ANKRD50: variants seen among roughly 807,000 people sequenced by gnomAD.
ANKRD50 encodes ankyrin repeat domain-containing protein 50.
A neutral mutation model predicts 112.0 loss-of-function variants in ANKRD50; 40 were observed. That is an observed-to-expected ratio of 0.36 (90% CI 0.28 to 0.46). The LOEUF is 0.46. Ranked by LOEUF, ANKRD50 falls within the 20% of genes least tolerant of loss-of-function variation. The pLI is 1.00. For missense variants in ANKRD50, 1,487 were observed against 1,701.7 expected, an observed-to-expected ratio of 0.87 and a Z score of 2.22; for synonymous variants, 613 against 619.1, an observed-to-expected ratio of 0.99 and a Z score of 0.15.
Position 124,669,488 on chromosome 4 carries a change from C to G in ANKRD50, c.3789G>C (p.Lys1263Asn). ...TCCCCCCTTTACTTGCTTTAGTTGACTTCAAACTGGGCTTTACTTGACTCC... is the reference window on the plus strand; with the variant it reads ...TCCCCCCTTTACTTGCTTTAGTTGAGTTCAAACTGGGCTTTACTTGACTCC... ...FEWSQVKPSLKSTKASKGGKS... is the reference protein window; with the variant it reads ...FEWSQVKPSLNSTKASKGGKS... Residue 1263 changes from lysine (K) to asparagine (N), a missense_variant, in exon 4 of 5, where the codon AAG becomes AAC. This residue lies in a region of ANKRD50 where 441 missense variants were observed against 432.2 expected (regional missense o/e 1.02). Transcript: ENST00000504087. 1 of 1,612,850 alleles carries G rather than the reference C, an allele frequency of 6.2e-7. No individual in the cohort carries two copies. The highest frequency in any genetic ancestry group is 8.5e-7 in the Non-Finnish European group (1 of 1,179,660).
At chr4:124,674,417 A>G (rs933564764) in intron 3 of ANKRD50, among the ~76,000 whole-genome samples, 44 of 151,990 alleles carry the variant, frequency 2.9e-4, no homozygotes, top group African/African-American at 1.1e-3. Flanking sequence ...GGAGAGCTAC[A>G]TTTATTGAGA....
Position 124,678,894 on chromosome 4 carries a change from A to T in ANKRD50, c.524T>A (p.Leu175His), listed in dbSNP as rs1724807982. Residue 175 changes from leucine to histidine, a missense_variant, in exon 3 of 5, where the codon CTC becomes CAC. Physicochemically the swap from Leu to His is moderately conservative, Grantham distance 99. This residue lies in a region of ANKRD50 where 1,046 missense variants were observed against 1,269.5 expected (regional missense o/e 0.82). Transcript: ENST00000504087. The part of the protein sequence containing the change: ...PAEAFKRCVL[L>H]PLLGMKPPQQ... ...GGGAGGCTTCATTCCCAGAAGAGGG[A>T]GTAGAACACACCTGTAAAACACATA... 6.2e-7 allele frequency: 1 copy of T among 1,609,454 alleles called. No homozygotes were observed. The highest frequency in any genetic ancestry group is 2.2e-5 in the East Asian group (1 of 44,824).
intron 2 of ANKRD50, among the ~76,000 whole-genome samples, chr4:124,707,751 G>A (rs1169649366): frequency 1.3e-5 from 2 of 152,052 alleles, no homozygotes; most frequent in Non-Finnish European, 2.9e-5. Context: ...CAGAAAAGCA[G>A]GGCTGGTATG....
At position 124,672,323 on chromosome 4, in the gene ANKRD50, A is replaced by C; in HGVS notation, c.954T>G (p.Ile318Met). 1 of 1,613,436 alleles carries C rather than the reference A, an allele frequency of 6.2e-7. No homozygotes were observed. The highest frequency in any genetic ancestry group is 8.5e-7 in the Non-Finnish European group (1 of 1,179,744). The change falls in exon 4 of 5, where the codon ATT becomes ATG. Residue 318 changes from isoleucine (I) to methionine (M), a missense_variant. Physicochemically the swap from Ile to Met is conservative, Grantham distance 10 (BLOSUM62 1). This residue lies in a region of ANKRD50 where 1,046 missense variants were observed against 1,269.5 expected (regional missense o/e 0.82). Coordinates refer to ENST00000504087, the MANE Select transcript of ANKRD50 (RefSeq NM_020337.3). The stretch of plus-strand genomic sequence containing the variant: ...GGATGTCACGAATTTCTCTTAACAT[A>C]ATAAAATTTTCTACAACTCCATCTA... ...RVLDGVVENF[I>M]MLREIRDIPG...
chr4:124,694,563 A>G (rs1427647750), intron 2 of ANKRD50, among the ~76,000 whole-genome samples: 6 of 152,162 alleles, frequency 3.9e-5, no homozygotes, highest in Admixed American at 3.3e-4. Flanking sequence ...TAGGAGCTGG[A>G]GCTAGGGCAT....
rs758694866 is a variant in ANKRD50 at position 124,672,181 on chromosome 4, T to C, written c.1096A>G (p.Ile366Val). 2.5e-6 allele frequency: 4 copies of C among 1,613,922 alleles called. No individual in the cohort carries two copies. Among genetic ancestry groups the C allele is most frequent in the East Asian group, 2.2e-5 (1 of 44,870 alleles). ...CATACTGCGTGATATAATTCCGTTA[T>C]GGTCAAAGGTCGGCAGGCTGCAAGA... is the stretch of plus-strand genomic sequence containing the variant. ...VILAACRPLTITELYHAVWTK... is the reference protein window; with the variant it reads ...VILAACRPLTVTELYHAVWTK... The change falls in exon 4 of 5, where the codon ATA (isoleucine) becomes GTA (valine). Residue 366 changes from isoleucine to valine, a missense_variant. By Grantham distance (29) the Ile-to-Val change is conservative (BLOSUM62 3). Coordinates refer to ENST00000504087, the MANE Select transcript of ANKRD50 (RefSeq NM_020337.3).
rs533820109 is a variant in ANKRD50 at position 124,678,898 on chromosome 4, G to C, written c.520C>G (p.Leu174Val). Reference sequence around the variant, plus strand: ...GGCTTCATTCCCAGAAGAGGGAGTAGAACACACCTGTAAAACACATACACA... The same window carrying C: ...GGCTTCATTCCCAGAAGAGGGAGTACAACACACCTGTAAAACACATACACA... ...NPAEAFKRCV[L>V]LPLLGMKPPQ... Residue 174 changes from leucine to valine, a missense_variant, in exon 3 of 5, where the codon CTA becomes GTA. By Grantham distance (32) the Leu-to-Val change is conservative. Coordinates refer to ENST00000504087, the MANE Select transcript of ANKRD50 (RefSeq NM_020337.3). 6 of 1,605,266 alleles carry C rather than the reference G, an allele frequency of 3.7e-6. No individual in the cohort carries two copies. Among genetic ancestry groups the C allele is most frequent in the Non-Finnish European group, 5.1e-6 (6 of 1,172,278 alleles).
At chr4:124,692,170 A>C (rs1417504930) in intron 2 of ANKRD50, among the ~76,000 whole-genome samples, 1 of 152,236 alleles carries the variant, frequency 6.6e-6, no homozygotes, top group Non-Finnish European at 1.5e-5. Context: ...ATATTCCAAA[A>C]TCAAACAAAA....
chr4:124,709,738 A>G (rs377052635), intron 2 of ANKRD50, among the ~76,000 whole-genome samples: 97 of 152,318 alleles, frequency 6.4e-4, no homozygotes, highest in African/African-American at 2.3e-3. Flanking sequence ...TACCATTTAT[A>G]GGCAATGTAA....
intron 2 of ANKRD50, among the ~76,000 whole-genome samples, chr4:124,683,653 C>T (rs1416662069): frequency 1.3e-5 from 2 of 150,674 alleles, no homozygotes; most frequent in Non-Finnish European, 3.0e-5. Context: ...TACCCATTTC[C>T]CCAAAGACTG....
chr4:124,697,205 C>A (rs1354702771), intron 2 of ANKRD50, among the ~76,000 whole-genome samples: 1 of 152,096 alleles, frequency 6.6e-6, no homozygotes, highest in African/African-American at 2.4e-5. Context: ...GGGAAGAGGT[C>A]ATGGCTGCAT....
chr4:124,679,498 C>T (rs980218147), intron 2 of ANKRD50, among the ~76,000 whole-genome samples: 1 of 152,162 alleles, frequency 6.6e-6, no homozygotes, highest in Non-Finnish European at 1.5e-5. Flanking sequence ...TTAGGCTTTA[C>T]TCCATTAATT....
chr4:124,710,786 A>G lies in ANKRD50; in HGVS notation c.-275T>C. 1 of 498,492 alleles carries G rather than the reference A, an allele frequency of 2.0e-6. No homozygotes were observed. Among genetic ancestry groups the G allele is most frequent in the Non-Finnish European group, 3.5e-6 (1 of 282,176 alleles). 30.9% of individuals were successfully genotyped at this position (498,492 alleles called of 1,614,324 possible). ...CACTTTTCCTAAATTTTAATGAGTCACATAACTCCATGGTTATAACTGGAG... is the reference window on the plus strand; with the variant it reads ...CACTTTTCCTAAATTTTAATGAGTCGCATAACTCCATGGTTATAACTGGAG... On this transcript the variant is annotated 5_prime_UTR_variant, in exon 2 of 5. It removes the in-frame stop codon of an upstream open reading frame in the 5' UTR. Coordinates refer to ENST00000504087, the MANE Select transcript of ANKRD50 (RefSeq NM_020337.3).
intron 2 of ANKRD50, among the ~76,000 whole-genome samples, chr4:124,688,612 G>C (rs1017801361): frequency 6.6e-6 from 1 of 152,196 alleles, no homozygotes; most frequent in African/African-American, 2.4e-5. Flanking sequence ...GAACTCAGGA[G>C]ACTAACTATG....
chr4:124,710,657 T>TGG lies in ANKRD50; in HGVS notation c.-147_-146insCC. 7 of 959,768 alleles carry TGG rather than the reference T, an allele frequency of 7.3e-6. No individual in the cohort carries two copies. The highest frequency in any genetic ancestry group is 3.3e-5 in the African/African-American group (2 of 61,192). The allele number at this position is 959,768 out of a possible 1,614,324, so 59.5% of individuals were successfully genotyped here. A position where few individuals can be genotyped will look rare whatever the true frequency, so the allele number is the denominator to read the frequency against. ...ATTCAACAGCCACAGAGTTCCTCTG[T>TGG]CAACAGAACGTGCATGACTTTATTT... is the stretch of plus-strand genomic sequence containing the variant. On this transcript the variant is annotated 5_prime_UTR_variant, in exon 2 of 5. An upstream open reading frame in the 5' UTR loses its in-frame stop. Transcript: ENST00000504087.
At chr4:124,699,191 C>T (rs1339071719) in intron 2 of ANKRD50, among the ~76,000 whole-genome samples, 1 of 150,306 alleles carries the variant, frequency 6.7e-6, no homozygotes, top group African/African-American at 2.5e-5. Context: ...TACCCAGGGA[C>T]TTTAAGTGTG....
intron 2 of ANKRD50, among the ~76,000 whole-genome samples, chr4:124,695,896 T>A (rs1474151826): frequency 6.6e-6 from 1 of 152,028 alleles, no homozygotes; most frequent in Non-Finnish European, 1.5e-5. Context: ...TGTCCAAGGT[T>A]TTCCTGTTGT....
At chr4:124,692,497 C>A (rs761199485) in intron 2 of ANKRD50, among the ~76,000 whole-genome samples, 2 of 152,124 alleles carry the variant, frequency 1.3e-5, no homozygotes, top group Admixed American at 6.5e-5. Context: ...ATAAAAAAAT[C>A]ATCCTGCTAT....
At chr4:124,690,571 T>A (rs1725113668) in intron 2 of ANKRD50, among the ~76,000 whole-genome samples, 1 of 152,100 alleles carries the variant, frequency 6.6e-6, no homozygotes, top group Non-Finnish European at 1.5e-5. Context: ...AACAGTACAA[T>A]AAAATAATCA....
Sources: gnomAD v4.1 joint callset for allele counts (sites outside exome capture counted in the v4.1 genomes callset) on GRCh38, gnomAD v4.1.1 for gene constraint, gnomAD v4.1.1 regional missense constraint, MANE v1.5 for transcripts, NCBI Gene and HGNC (gene_info 2026-07-23, HGNC 2026-07-21) for gene names.